PACS2: variants seen among roughly 807,000 people sequenced by gnomAD.
The protein encoded by PACS2 is phosphofurin acidic cluster sorting protein 2.
PACS2 carries 36 observed loss-of-function variants against 113.0 expected under a neutral mutation model. The ratio of observed to expected loss-of-function variants is 0.32; its 90% CI spans 0.24 to 0.42. PACS2 has a LOEUF of 0.42. Among genes scored for constraint, PACS2 ranks in the 10% least tolerant of loss-of-function variants. The pLI, the probability that PACS2 is intolerant of heterozygous loss-of-function variation, is 1.00. For missense variants in PACS2, 1,015 were observed against 1,239.5 expected (o/e 0.82, Z 2.72); for synonymous variants, 589 against 536.1 (o/e 1.10, Z -1.36).
intron 4 of PACS2, among the ~76,000 whole-genome samples, chr14:105,362,070 C>CT (rs1184313812): frequency 1.3e-5 from 2 of 150,868 alleles, no homozygotes; most frequent in Non-Finnish European, 3.0e-5. Context: ...TTGTAGTGAG[C>CT]GAGATCGCAC....
At position 105,303,742 on chromosome 14, in the gene PACS2, T is replaced by C. The variant is rs191875595; in HGVS notation, c.-83+2763T>C. ...AATTTCCTCCCGGATCCAAGGGTTA[T>C]TAGGAAGTGTATTGTTTTGTTTCTA... is the stretch of plus-strand genomic sequence containing the variant. On this transcript the variant is annotated intron_variant, in intron 1 of 23. Transcript: ENST00000430725. Among the ~76,000 whole-genome samples the C allele has an allele frequency of 5.7e-4, 87 of 152,364 alleles. 1 individual carries two copies. The highest frequency in any genetic ancestry group is 2.0e-3 in the African/African-American group (84 of 41,580).
At position 105,369,751 on chromosome 14, in the gene PACS2, C is replaced by G; in HGVS notation, c.742-90C>G. 4 of 1,156,188 alleles carry G rather than the reference C, an allele frequency of 3.5e-6. No individual in the cohort carries two copies. The South Asian group carries it at 5.4e-5, about 16-fold the overall frequency. The allele number at this position is 1,156,188 out of a possible 1,614,324, so 71.6% of individuals were successfully genotyped here. On this transcript the variant is annotated intron_variant, in intron 7 of 24. Coordinates refer to ENST00000447393, the MANE Select transcript of PACS2 (RefSeq NM_001100913.3). The stretch of plus-strand genomic sequence containing the variant: ...GGCCTTGCTGCTCTCCCACGGCGGG[C>G]CTGGGTGCGGCCTGGGCCTGAGGAA...
At chr14:105,346,348 A>T (rs1555402578) in intron 1 of PACS2, among the ~76,000 whole-genome samples, 1 of 151,996 alleles carries the variant, frequency 6.6e-6, no homozygotes, top group African/African-American at 2.4e-5. Flanking sequence ...CCTGTGCATG[A>T]TTTGGTCCCA....
intron 4 of PACS2, among the ~76,000 whole-genome samples, chr14:105,359,609 T>TC (rs2060595600): frequency 6.9e-6 from 1 of 145,660 alleles, no homozygotes; most frequent in African/African-American, 2.6e-5. Context: ...TTTTTTTTTT[T>TC]GAGACAGAAT....
chr14:105,388,106 A>G (rs2081239803), intron 19 of PACS2, among the ~76,000 whole-genome samples: 1 of 152,050 alleles, frequency 6.6e-6, no homozygotes, highest in African/African-American at 2.4e-5. Context: ...GAAAGTTTCA[A>G]CTCTTCTCCT....
In PACS2 at chr14:105,348,167, C is replaced by G. The variant is rs1555403073; in HGVS notation, c.120-326C>G. ...CTGGCTCAGGACTCTCAGATCTTCT[C>G]TTTGTGGCCTGTCATCCCTCCTACC... On this transcript the variant is annotated intron_variant, in intron 1 of 24. Coordinates refer to ENST00000447393, the MANE Select transcript of PACS2 (RefSeq NM_001100913.3). This position sits in a 1 kb window ranked among gnomAD's most constrained non-coding sequence, Gnocchi z 6.4. Among the ~76,000 whole-genome samples, 1 of 152,150 alleles carries G rather than the reference C, an allele frequency of 6.6e-6. No individual in the cohort carries two copies. Among genetic ancestry groups the G allele is most frequent in the Non-Finnish European group, 1.5e-5 (1 of 68,006 alleles).
At chr14:105,385,074 C>G in intron 18 of PACS2, 87 bp downstream of exon 18, 1 of 868,956 alleles carries the variant, frequency 1.2e-6, no homozygotes, top group South Asian at 1.5e-5. Flanking sequence ...CTGGGCTTGG[C>G]CTGGTGGGCC....
intron 1 of PACS2, among the ~76,000 whole-genome samples, chr14:105,304,519 T>TA (rs1340050777): frequency 6.7e-6 from 1 of 149,902 alleles, no homozygotes; most frequent in African/African-American, 2.5e-5. Context: ...AAATAAAATA[T>TA]AAAAAAGGGT....
intron 11 of PACS2, among the ~76,000 whole-genome samples, chr14:105,380,439 C>A (rs1241465455): frequency 2.0e-5 from 3 of 148,780 alleles, no homozygotes; most frequent in Non-Finnish European, 4.5e-5. Context: ...GGACTCCCCC[C>A]ACCCTCAGGG....
In PACS2 at chr14:105,394,905, C is replaced by G. The variant is rs1320378078; in HGVS notation, c.*233C>G. 1 of 501,118 alleles carries G rather than the reference C, an allele frequency of 2.0e-6. No homozygotes were observed. Among genetic ancestry groups the G allele is most frequent in the African/African-American group, 1.9e-5 (1 of 51,418 alleles). 31.0% of individuals were successfully genotyped at this position (501,118 alleles called of 1,614,324 possible). On this transcript the variant is annotated 3_prime_UTR_variant, in exon 25 of 25. Transcript: ENST00000447393. ...GCCCGGGGCTGGGAAGCCAGAAGGA[C>G]GATGCTGAGCCATGGATCGCGGAAG...
At position 105,315,171 on chromosome 14, in the gene PACS2, G is replaced by A; in HGVS notation, c.119+134G>A. On this transcript the variant is annotated intron_variant, in intron 1 of 24. Transcript: ENST00000447393. This position sits in a 1 kb window ranked among gnomAD's most constrained non-coding sequence, Gnocchi z 4.4. ...GTCGCCCCCCGCGCCCCCGCCCGCCGGTTCGACGCGTGCAGCCGCCGCCCC... is the reference window on the plus strand; with the variant it reads ...GTCGCCCCCCGCGCCCCCGCCCGCCAGTTCGACGCGTGCAGCCGCCGCCCC... 2.5e-6 allele frequency: 1 copy of A among 405,588 alleles called. No homozygotes were observed. Among genetic ancestry groups the A allele is most frequent in the Non-Finnish European group, 3.4e-6 (1 of 292,528 alleles). The allele number at this position is 405,588 out of a possible 1,614,324, so 25.1% of individuals were successfully genotyped here.
rs1288565529 is a variant in PACS2, at chr14:105,314,766, C to T, written c.-153C>T. The stretch of plus-strand genomic sequence containing the variant: ...AGCGGCCGCAGCTCGTCGCCGCCCG[C>T]GGGCCTGTCCGACGCCGGGGCCCGG... On this transcript the variant is annotated 5_prime_UTR_variant, in exon 1 of 25. Coordinates refer to ENST00000447393, the MANE Select transcript of PACS2 (RefSeq NM_001100913.3). 2.4e-5 allele frequency: 4 copies of T among 164,432 alleles called. No individual in the cohort carries two copies. The highest frequency in any genetic ancestry group is 3.9e-4 in the South Asian group (2 of 5,104). The allele number at this position is 164,432 out of a possible 1,614,324, so 10.2% of individuals were successfully genotyped here. A position where few individuals can be genotyped will look rare whatever the true frequency, so the allele number is the denominator to read the frequency against.
At position 105,382,049 on chromosome 14, in the gene PACS2, G is replaced by A. The variant is rs1555412201; in HGVS notation, c.1404G>A (p.Val468=). 5.8e-6 allele frequency: 9 copies of A among 1,544,550 alleles called. No homozygotes were observed. The East Asian group carries it at 1.9e-4, about 33-fold the overall frequency. ...CGGACGCCCGGAGCCAGCTACAGGT[G>A]CAGCTGCAGGTGGGGGTGGAGGGCG... is the stretch of plus-strand genomic sequence containing the variant. ...RCPDARSQLQ[V]QLQIPRKTVY... is the part of the protein sequence containing the mutation. Residue 468 remains valine, a synonymous_variant, in exon 13 of 25, where the codon GTG becomes GTA. Coordinates refer to ENST00000447393, the MANE Select transcript of PACS2 (RefSeq NM_001100913.3).
At chr14:105,368,242 A>C (rs2061012581) in intron 6 of PACS2, 95 bp downstream of exon 6, 2 of 956,690 alleles carry the variant, frequency 2.1e-6, no homozygotes, top group Non-Finnish European at 3.3e-6. Context: ...GGGCCTCGTG[A>C]GGGTGGGTGA....
rs372146150 is a variant in PACS2 at position 105,344,011 on chromosome 14, A to G, written c.120-4482A>G. Among the ~76,000 whole-genome samples the G allele has an allele frequency of 2.0e-5, 3 of 151,096 alleles. No individual in the cohort carries two copies. In the South Asian group the frequency reaches 6.4e-4, roughly 32 times the overall value. ...GAGGCTGAGGTGGGCAGATCACTCGAGGCCAGGAGTTTGAGACCAGGCCTG... is the reference window on the plus strand; with the variant it reads ...GAGGCTGAGGTGGGCAGATCACTCGGGGCCAGGAGTTTGAGACCAGGCCTG... On this transcript the variant is annotated intron_variant, in intron 1 of 24. Coordinates refer to ENST00000447393, the MANE Select transcript of PACS2 (RefSeq NM_001100913.3).
intron 1 of PACS2, among the ~76,000 whole-genome samples, chr14:105,318,471 T>C (rs1376335047): frequency 2.6e-5 from 4 of 152,040 alleles, no homozygotes; most frequent in African/African-American, 7.2e-5. Context: ...TTTTGTTTTT[T>C]TGAGACAGAG....
intron 1 of PACS2, among the ~76,000 whole-genome samples, chr14:105,321,451 C>T (rs754022421): frequency 2.6e-4 from 39 of 152,070 alleles, no homozygotes; most frequent in Admixed American, 3.9e-4. Context: ...TAGCCTTGAA[C>T]TCCCAGGCTT....
At chr14:105,320,009 C>G (rs587674262) in intron 1 of PACS2, among the ~76,000 whole-genome samples, 5 of 152,126 alleles carry the variant, frequency 3.3e-5, no homozygotes, top group African/African-American at 1.2e-4. Flanking sequence ...GACAGAGTCT[C>G]GCTCTGTTAC....
Position 105,366,004 on chromosome 14 carries a change from T to A in PACS2, c.424-1209T>A, listed in dbSNP as rs1397145439. Among the ~76,000 whole-genome samples, 1 of 152,264 alleles carries A rather than the reference T, an allele frequency of 6.6e-6. No homozygotes were observed. Among genetic ancestry groups the A allele is most frequent in the Admixed American group, 6.5e-5 (1 of 15,282 alleles). ...AAATGTAAACTTTTAAACATTTTTT[T>A]ACCTTGATTAATTGAAGAATTAGCA... On this transcript the variant is annotated intron_variant, in intron 4 of 24. Coordinates refer to ENST00000447393, the MANE Select transcript of PACS2 (RefSeq NM_001100913.3). This position sits in a 1 kb window ranked among gnomAD's most constrained non-coding sequence, Gnocchi z 4.3.
Sources: gnomAD v4.1 joint callset for allele counts (sites outside exome capture counted in the v4.1 genomes callset) on GRCh38, gnomAD v4.1.1 for gene constraint, Gnocchi (gnomAD v3.1) non-coding constraint, MANE v1.5 for transcripts, NCBI Gene and HGNC (gene_info 2026-07-23, HGNC 2026-07-21) for gene names.